The following NUAK1 variants were observed in gnomAD, a reference collection of about 807,000 sequenced individuals.
NUAK1 encodes NUAK family SNF1-like kinase 1.
Under a neutral mutation model 56.9 loss-of-function variants are expected in NUAK1, and 26 were observed. The observed-to-expected ratio is 0.46, with a 90% CI of 0.33 to 0.63. The LOEUF (loss-of-function observed/expected upper bound fraction) is 0.63, where lower values mean the gene tolerates loss of function less well. Ranked by LOEUF, NUAK1 falls within the 30% of genes least tolerant of loss-of-function variation. The pLI, the probability that NUAK1 is intolerant of heterozygous loss-of-function variation, is 0.02. For missense variants in NUAK1, 727 were observed against 876.1 expected, an observed-to-expected ratio of 0.83 and a Z score of 2.15; for synonymous variants, 337 against 336.0, an observed-to-expected ratio of 1.00 and a Z score of -0.03.
chr12:106,089,527 C>T (rs1330520578), intron 2 of NUAK1, among the ~76,000 whole-genome samples: 1 of 152,230 alleles, frequency 6.6e-6, no homozygotes, highest in Non-Finnish European at 1.5e-5. Flanking sequence ...TACGGTGGCT[C>T]ACGCCTGTAA....
At chr12:106,092,442 C>T (rs2032645026) in intron 2 of NUAK1, among the ~76,000 whole-genome samples, 2 of 151,544 alleles carry the variant, frequency 1.3e-5, no homozygotes, top group Admixed American at 6.6e-5. Flanking sequence ...CGCTTGAACC[C>T]AGGAGAAGGA....
chr12:106,072,582 T>C, intron 5 of NUAK1, 142 bp downstream of exon 5: 1 of 929,686 alleles, frequency 1.1e-6, no homozygotes, highest in Admixed American at 2.9e-5. Flanking sequence ...ATTAACTGCT[T>C]TTATAATCGT....
chr12:106,102,623 T>C (rs1296802044), intron 2 of NUAK1, among the ~76,000 whole-genome samples: 10 of 152,234 alleles, frequency 6.6e-5, no homozygotes, highest in Non-Finnish European at 1.5e-4. Context: ...TTATGAACTA[T>C]TTGTGATGAT....
rs1466870702 is a variant in NUAK1 at position 106,063,552 on chromosome 12, T to G, written c.*3250A>C. On this transcript the variant is annotated 3_prime_UTR_variant, in exon 7 of 7. Coordinates refer to ENST00000261402, the MANE Select transcript of NUAK1 (RefSeq NM_014840.3). ...ATAAAGCATGTTGCACCAATTAAAT[T>G]ACACCAATATATTATTATAATACCT... is the stretch of plus-strand genomic sequence containing the variant. 1 of 152,500 alleles carries G rather than the reference T, an allele frequency of 6.6e-6. No individual in the cohort carries two copies. The highest frequency in any genetic ancestry group is 1.9e-4 in the East Asian group (1 of 5,200). 9.4% of individuals were successfully genotyped at this position (152,500 alleles called of 1,614,324 possible).
At position 106,070,774 on chromosome 12, in the gene NUAK1, C is replaced by A. The variant is rs1338264556; in HGVS notation, c.832G>T (p.Asp278Tyr). The change falls in exon 6 of 7, where the codon GAT (aspartate) becomes TAT (tyrosine). Residue 278 changes from aspartate (D) to tyrosine (Y), a missense_variant and splice_region_variant. Physicochemically the swap from Asp to Tyr is radical, Grantham distance 160. Transcript: ENST00000261402. ...GACCCTCCCTCCACAGGGCACGCAC[C>A]TGAGGGCTGTGTTGGCTCCCGGTAC... ...GEYREPTQPSDARGLIRWMLM... is the reference protein window; with the variant it reads ...GEYREPTQPSYARGLIRWMLM... 1 of 1,614,210 alleles carries A rather than the reference C, an allele frequency of 6.2e-7. No homozygotes were observed. Among genetic ancestry groups the A allele is most frequent in the African/African-American group, 1.3e-5 (1 of 75,052 alleles).
At chr12:106,096,991 C>T (rs1232163732) in intron 2 of NUAK1, among the ~76,000 whole-genome samples, 1 of 152,218 alleles carries the variant, frequency 6.6e-6, no homozygotes, top group Non-Finnish European at 1.5e-5. Flanking sequence ...CTTCTCCAAT[C>T]TCCCGACAGA....
chr12:106,138,663 C>A lies in NUAK1; in HGVS notation c.-10G>T. On this transcript the variant is annotated 5_prime_UTR_variant, in exon 1 of 7. Transcript: ENST00000261402. This position sits in a 1 kb window ranked among gnomAD's most constrained non-coding sequence, Gnocchi z 5.0. Reference sequence around the variant, plus strand: ...CGGCGGCCCCTTCCATGTCCAAGCGCGGGGCGAGCCGGGCTACAGAGGGCA... The same window carrying A: ...CGGCGGCCCCTTCCATGTCCAAGCGAGGGGCGAGCCGGGCTACAGAGGGCA... 6.6e-7 allele frequency: 1 copy of A among 1,507,612 alleles called. No individual in the cohort carries two copies. Among genetic ancestry groups the A allele is most frequent in the Non-Finnish European group, 8.8e-7 (1 of 1,138,014 alleles). The allele number at this position is 1,507,612 out of a possible 1,614,324, so 93.4% of individuals were successfully genotyped here.
intron 4 of NUAK1, among the ~76,000 whole-genome samples, chr12:106,074,534 G>A (rs2032441442): frequency 1.3e-5 from 2 of 152,106 alleles, no homozygotes; most frequent in African/African-American, 4.8e-5. Context: ...AAACCCCCGT[G>A]TCTCTAAAGC....
chr12:106,121,740 A>T (rs2032977609), intron 1 of NUAK1, among the ~76,000 whole-genome samples: 2 of 150,454 alleles, frequency 1.3e-5, no homozygotes, highest in South Asian at 4.3e-4. Context: ...ACAGAGCGAG[A>T]CCCTGTCTCG....
chr12:106,116,907 T>C (rs1044398598), intron 1 of NUAK1, among the ~76,000 whole-genome samples: 3 of 152,194 alleles, frequency 2.0e-5, no homozygotes, highest in Non-Finnish European at 4.4e-5. Context: ...CTGGGAGGCA[T>C]GTCCCTAAAA....
chr12:106,114,290 A>C (rs1159407601), intron 1 of NUAK1, among the ~76,000 whole-genome samples: 2 of 152,214 alleles, frequency 1.3e-5, no homozygotes, highest in Non-Finnish European at 2.9e-5. Flanking sequence ...TACTGCTAAG[A>C]AATCCAGCAT....
intron 5 of NUAK1, among the ~76,000 whole-genome samples, chr12:106,071,846 T>G (rs1334570855): frequency 2.0e-5 from 3 of 152,304 alleles, no homozygotes; most frequent in South Asian, 2.1e-4. Flanking sequence ...GGTCTTGGCA[T>G]CCTTCTCTTT....
At chr12:106,069,545 T>G (rs1287098289) in intron 6 of NUAK1, among the ~76,000 whole-genome samples, 3 of 152,176 alleles carry the variant, frequency 2.0e-5, no homozygotes, top group Non-Finnish European at 4.4e-5. Flanking sequence ...TGTTGGCTGT[T>G]GAGTTTGATG....
rs373090733 is a variant in NUAK1, at chr12:106,074,009, A to T, written c.580-1166T>A. Among the ~76,000 whole-genome samples, 8 of 152,260 alleles carry T rather than the reference A, an allele frequency of 5.3e-5. No individual in the cohort carries two copies. In the East Asian group the frequency reaches 1.2e-3, roughly 22 times the overall value. On this transcript the variant is annotated intron_variant, in intron 4 of 6. Coordinates refer to ENST00000261402, the MANE Select transcript of NUAK1 (RefSeq NM_014840.3). ...CACTTTTACATATATATGTATATGT[A>T]TATGTACACATATGTACAAATATAC...
At chr12:106,083,563 G>C (rs770311402) in intron 4 of NUAK1, among the ~76,000 whole-genome samples, 5 of 152,176 alleles carry the variant, frequency 3.3e-5, no homozygotes, top group Admixed American at 6.5e-5. Context: ...GTTGCTAAAA[G>C]TATTGTTATG....
chr12:106,119,899 T>C (rs989207363), intron 1 of NUAK1, among the ~76,000 whole-genome samples: 11 of 152,150 alleles, frequency 7.2e-5, no homozygotes, highest in Non-Finnish European at 1.6e-4. Flanking sequence ...AAAGTGTGCA[T>C]CCCGATGAGA....
intron 1 of NUAK1, among the ~76,000 whole-genome samples, chr12:106,111,165 G>A (rs1000267046): frequency 5.3e-5 from 8 of 152,148 alleles, no homozygotes; most frequent in African/African-American, 1.9e-4. Context: ...GTTGTTGTGA[G>A]GAGTGGAAAC....
At chr12:106,129,528 C>T (rs533150184) in intron 1 of NUAK1, among the ~76,000 whole-genome samples, 3 of 152,264 alleles carry the variant, frequency 2.0e-5, no homozygotes, top group Admixed American at 6.5e-5. Context: ...ACACGAGACA[C>T]GGGGCTGAAA....
chr12:106,071,116 A>G (rs1210771980), intron 5 of NUAK1, among the ~76,000 whole-genome samples: 1 of 152,240 alleles, frequency 6.6e-6, no homozygotes, highest in African/African-American at 2.4e-5. Context: ...CATTCTGAAC[A>G]GAGGCCAGTG....
Sources: allele counts gnomAD v4.1 joint callset (sites outside exome capture counted in the v4.1 genomes callset), GRCh38; gene constraint gnomAD v4.1.1; non-coding constraint Gnocchi (gnomAD v3.1); transcripts MANE v1.5; gene names NCBI Gene and HGNC (gene_info 2026-07-23, HGNC 2026-07-21).